NELL2: variants seen among roughly 807,000 people sequenced by gnomAD.
NELL2 encodes protein kinase C-binding protein NELL2.
NELL2 carries 41 observed loss-of-function variants against 109.6 expected under a neutral mutation model. The observed-to-expected ratio is 0.37, with a 90% CI of 0.29 to 0.49. The LOEUF is 0.49. Ranked by LOEUF, NELL2 falls within the 20% of genes least tolerant of loss-of-function variation. The pLI, the probability that NELL2 is intolerant of heterozygous loss-of-function variation, is 0.98. For synonymous variants in NELL2, 355 were observed against 344.7 expected (o/e 1.03, Z -0.33); for missense variants, 900 against 1,008.3 (o/e 0.89, Z 1.45).
At chr12:44,812,109 T>C (rs1592582596) in intron 3 of NELL2, among the ~76,000 whole-genome samples, 1 of 152,186 alleles carries the variant, frequency 6.6e-6, no homozygotes, top group African/African-American at 2.4e-5. Context: ...CAGTTGGAAG[T>C]GACTGAGTTA....
At chr12:44,910,268 A>G (rs118008318) in intron 1 of NELL2, among the ~76,000 whole-genome samples, 1,602 of 152,148 alleles carry the variant, frequency 0.011, 31 homozygotes, top group East Asian at 0.048. Flanking sequence ...TTCTTAATTC[A>G]ACAAGCAAAA....
intron 1 of NELL2, among the ~76,000 whole-genome samples, chr12:44,886,013 A>T (rs897924096): frequency 2.0e-5 from 3 of 151,784 alleles, no homozygotes; most frequent in African/African-American, 7.3e-5. Flanking sequence ...TTACAAAGAT[A>T]TCAAGATTTT....
At chr12:44,716,526 T>C (rs1292687752) in intron 9 of NELL2, among the ~76,000 whole-genome samples, 2 of 152,168 alleles carry the variant, frequency 1.3e-5, no homozygotes, top group Admixed American at 6.6e-5. Flanking sequence ...ACATGATTGA[T>C]TGCAAAATTT....
chr12:44,559,929 T>C (rs948317193), intron 15 of NELL2, among the ~76,000 whole-genome samples: 3 of 152,076 alleles, frequency 2.0e-5, no homozygotes, highest in African/African-American at 7.2e-5. Context: ...TAACTGGAAG[T>C]AAAAACTCCT....
At chr12:44,831,014 C>T (rs1411529086) in intron 2 of NELL2, among the ~76,000 whole-genome samples, 9 of 151,976 alleles carry the variant, frequency 5.9e-5, no homozygotes, top group African/African-American at 1.9e-4. Flanking sequence ...GCCCCATTTA[C>T]CACATTGGAC....
intron 15 of NELL2, among the ~76,000 whole-genome samples, chr12:44,597,846 G>A (rs1945028305): frequency 6.6e-6 from 1 of 152,188 alleles, no homozygotes; most frequent in Admixed American, 6.5e-5. Flanking sequence ...CACAATGAGT[G>A]TGGGCCAAAG....
chr12:44,531,587 G>A (rs959759770), intron 16 of NELL2, among the ~76,000 whole-genome samples: 5 of 152,288 alleles, frequency 3.3e-5, no homozygotes, highest in East Asian at 3.9e-4. Flanking sequence ...GTCTGCTGCC[G>A]GCAAAACAGG....
At chr12:44,695,037 A>T (rs1357604420) in intron 12 of NELL2, among the ~76,000 whole-genome samples, 1 of 145,994 alleles carries the variant, frequency 6.8e-6, no homozygotes, top group Non-Finnish European at 1.5e-5. Flanking sequence ...GAAAAAATGA[A>T]GGAAGGAAGA....
At chr12:44,610,763 T>C in intron 14 of NELL2, 85 bp downstream of exon 14, 1 of 1,567,078 alleles carries the variant, frequency 6.4e-7, no homozygotes, top group Non-Finnish European at 8.8e-7. Context: ...GGAATGTACA[T>C]AACAGTAATG....
intron 1 of NELL2, chr12:44,881,854 A>G (rs898407127): frequency 6.6e-6 from 1 of 152,032 alleles, no homozygotes; most frequent in Non-Finnish European, 1.5e-5. Flanking sequence ...AAACAATAGA[A>G]AAATGGAACT....
At chr12:44,877,797 A>G (rs932272863), upstream of NELL2, among the ~76,000 whole-genome samples, 1 of 152,284 alleles carries the variant, frequency 6.6e-6, no homozygotes, top group South Asian at 2.1e-4. Context: ...TTCTATTTGT[A>G]ACTTTGTAAA....
chr12:44,618,515 A>G (rs916052869), intron 13 of NELL2, among the ~76,000 whole-genome samples: 3 of 152,172 alleles, frequency 2.0e-5, no homozygotes, highest in Non-Finnish European at 4.4e-5. Context: ...GACATGTTTT[A>G]TAATATTTTG....
At chr12:44,620,572 G>C (rs1288610362) in intron 13 of NELL2, among the ~76,000 whole-genome samples, 1 of 152,110 alleles carries the variant, frequency 6.6e-6, no homozygotes, top group Non-Finnish European at 1.5e-5. Context: ...CATCAGGAGA[G>C]AATGTCCTCA....
intron 12 of NELL2, among the ~76,000 whole-genome samples, chr12:44,700,110 C>T (rs940157547): frequency 6.6e-6 from 1 of 152,088 alleles, no homozygotes; most frequent in South Asian, 2.1e-4. Flanking sequence ...GCACCAACAT[C>T]TGCCTATTTA....
intron 10 of NELL2, 50 bp downstream of exon 10, chr12:44,714,600 T>C (rs776452819): frequency 1.7e-6 from 2 of 1,183,950 alleles, no homozygotes; most frequent in East Asian, 2.6e-5. Flanking sequence ...AACTTTTATC[T>C]TGTTTATAAA....
At chr12:44,867,981 G>A (rs1592681469) in intron 2 of NELL2, among the ~76,000 whole-genome samples, 1 of 151,916 alleles carries the variant, frequency 6.6e-6, no homozygotes, top group Non-Finnish European at 1.5e-5. Context: ...TTAGCCGGGT[G>A]TAGTGACGGG....
chr12:44,685,766 A>C (rs185920997), intron 12 of NELL2, among the ~76,000 whole-genome samples: 48 of 152,098 alleles, frequency 3.2e-4, no homozygotes, highest in Non-Finnish European at 6.0e-4. Context: ...TGGCTTGTAG[A>C]GTTTCTGCGG....
intron 13 of NELL2, among the ~76,000 whole-genome samples, chr12:44,651,281 G>C (rs1403514362): frequency 6.6e-6 from 1 of 152,114 alleles, no homozygotes; most frequent in Non-Finnish European, 1.5e-5. Context: ...ATTTTTTTAT[G>C]GTAACATAAG....
At chr12:44,528,465 AT>A (rs1400959217) in intron 16 of NELL2, among the ~76,000 whole-genome samples, 1 of 152,234 alleles carries the variant, frequency 6.6e-6, no homozygotes, top group Non-Finnish European at 1.5e-5. Context: ...ACATATACAT[AT>A]CCAGTATATG....
Sources: allele counts gnomAD v4.1 joint callset (sites outside exome capture counted in the v4.1 genomes callset), GRCh38; gene constraint gnomAD v4.1.1; transcripts MANE v1.5; gene names NCBI Gene and HGNC (gene_info 2026-07-23, HGNC 2026-07-21).